Variants in USP15 observed in about 807,000 individuals in gnomAD.
USP15 encodes ubiquitin carboxyl-terminal hydrolase 15.
In USP15, 18 loss-of-function variants were observed where a neutral mutation model predicts 127.1. That is an observed-to-expected ratio of 0.14 (90% CI 0.10 to 0.21). The LOEUF (loss-of-function observed/expected upper bound fraction) is 0.21, where lower values mean the gene tolerates loss of function less well. USP15 is among the 10% of genes least tolerant of loss of function. USP15 has a pLI of 1.00. For synonymous variants in USP15, 364 were observed against 393.7 expected, an observed-to-expected ratio of 0.92 and a Z score of 0.89; for missense variants, 805 against 1,159.9, an observed-to-expected ratio of 0.69 and a Z score of 4.44.
Position 62,333,325 on chromosome 12 carries a change from G to A in USP15, c.683+7392G>A, listed in dbSNP as rs537104080. On this transcript the variant is annotated intron_variant, in intron 6 of 21. Coordinates refer to ENST00000280377, the MANE Select transcript of USP15 (RefSeq NM_001252078.2). Reference sequence around the variant, plus strand: ...CTCATTACCCAGGCTGGAATGCAGTGGAGCAGTCACAGCTCACTGTAGCCT... The same window carrying A: ...CTCATTACCCAGGCTGGAATGCAGTAGAGCAGTCACAGCTCACTGTAGCCT... Among the ~76,000 whole-genome samples the A allele has an allele frequency of 2.0e-5, 3 of 152,260 alleles. No homozygotes were observed. The East Asian group carries it at 5.8e-4, about 29-fold the overall frequency.
chr12:62,303,091 T>A, intron 3 of USP15, 171 bp downstream of exon 3: 1 of 638,022 alleles, frequency 1.6e-6, no homozygotes, highest in Middle Eastern at 4.7e-4. Flanking sequence ...AAGGTTTACT[T>A]ATGCTAGCCA....
At chr12:62,264,880 G>A (rs1478534204) in intron 1 of USP15, among the ~76,000 whole-genome samples, 1 of 152,068 alleles carries the variant, frequency 6.6e-6, no homozygotes, top group Non-Finnish European at 1.5e-5. Context: ...GGGTGTTTAC[G>A]ACCAGAGTAG....
intron 2 of USP15, among the ~76,000 whole-genome samples, chr12:62,297,246 T>C (rs2064157986): frequency 6.6e-6 from 1 of 151,804 alleles, no homozygotes; most frequent in Non-Finnish European, 1.5e-5. Context: ...AACCCTGTAA[T>C]ATTGGGAGAA....
At chr12:62,308,184 A>T (rs1255293154) in intron 3 of USP15, among the ~76,000 whole-genome samples, 1 of 152,106 alleles carries the variant, frequency 6.6e-6, no homozygotes, top group East Asian at 1.9e-4. Context: ...TATAGATGAC[A>T]AATTTCTGAA....
In USP15 at chr12:62,304,998, A is replaced by G. The variant is rs150602935; in HGVS notation, c.348+2078A>G. On this transcript the variant is annotated intron_variant, in intron 3 of 21. Coordinates refer to ENST00000280377, the MANE Select transcript of USP15 (RefSeq NM_001252078.2). ...AATTTGTAAACTAAATGATTTGTCA[A>G]TAGAAAATATAGAGTCTAAAGCTTA... The G allele has an allele frequency of 9.4e-3, 1,919 of 204,670 alleles. 14 individuals are homozygous for G. Among genetic ancestry groups the G allele is most frequent in the Non-Finnish European group, 0.013 (1,266 of 98,890 alleles). 12.7% of individuals were successfully genotyped at this position (204,670 alleles called of 1,614,324 possible).
chr12:62,278,082 A>T (rs2063542960), intron 1 of USP15, among the ~76,000 whole-genome samples: 1 of 152,104 alleles, frequency 6.6e-6, no homozygotes, highest in Admixed American at 6.5e-5. Context: ...TCTATTTCTA[A>T]ATTTTTTCTA....
chr12:62,289,387 G>T (rs941180692), intron 1 of USP15, among the ~76,000 whole-genome samples: 28 of 152,050 alleles, frequency 1.8e-4, no homozygotes, highest in African/African-American at 5.8e-4. Flanking sequence ...TCTAGTTTGT[G>T]CATGTAGTGA....
chr12:62,319,628 A>C (rs2064928113), intron 4 of USP15, among the ~76,000 whole-genome samples: 1 of 152,190 alleles, frequency 6.6e-6, no homozygotes, highest in African/African-American at 2.4e-5. Flanking sequence ...GCACATTTGC[A>C]CCTCAAGGCT....
At chr12:62,301,117 A>G (rs1011657925) in intron 2 of USP15, among the ~76,000 whole-genome samples, 2 of 152,170 alleles carry the variant, frequency 1.3e-5, no homozygotes, top group African/African-American at 4.8e-5. Flanking sequence ...AAGCACGTGC[A>G]AAAATGCTCA....
intron 7 of USP15, among the ~76,000 whole-genome samples, chr12:62,354,750 A>AT (rs1565881316): frequency 6.6e-6 from 1 of 151,932 alleles, no homozygotes; most frequent in African/African-American, 2.4e-5. Flanking sequence ...GCGTGGAATC[A>AT]TTTTTGCATT....
chr12:62,280,476 G>A (rs967902600), intron 1 of USP15, among the ~76,000 whole-genome samples: 1 of 152,164 alleles, frequency 6.6e-6, no homozygotes, highest in African/African-American at 2.4e-5. Flanking sequence ...GGCAGGTTCT[G>A]TGTCTGGTGA....
At chr12:62,268,911 C>A (rs2063269607) in intron 1 of USP15, among the ~76,000 whole-genome samples, 1 of 152,044 alleles carries the variant, frequency 6.6e-6, no homozygotes, top group Admixed American at 6.6e-5. Context: ...ATTTCTCTCC[C>A]AAACTCCTCT....
chr12:62,342,777 C>T (rs993912005), intron 6 of USP15, among the ~76,000 whole-genome samples: 8 of 152,168 alleles, frequency 5.3e-5, no homozygotes, highest in Non-Finnish European at 1.0e-4. Flanking sequence ...CTGGAAGCTT[C>T]GTCCCAGAGG....
intron 8 of USP15, among the ~76,000 whole-genome samples, chr12:62,373,363 T>C (rs1170056102): frequency 2.0e-5 from 3 of 152,016 alleles, no homozygotes; most frequent in South Asian, 4.1e-4. Context: ...GTATTTATAC[T>C]TCCTAGAACT....
chr12:62,296,498 A>G (rs2064132165), intron 2 of USP15, among the ~76,000 whole-genome samples: 1 of 152,214 alleles, frequency 6.6e-6, no homozygotes, highest in African/African-American at 2.4e-5. Flanking sequence ...GACTAATGGG[A>G]TGGGATAGTT....
intron 6 of USP15, among the ~76,000 whole-genome samples, chr12:62,337,541 G>C (rs1336319541): frequency 6.6e-6 from 1 of 152,018 alleles, no homozygotes; most frequent in African/African-American, 2.4e-5. Flanking sequence ...CTATGCATGT[G>C]CCGTGGTAGT....
At chr12:62,334,259 C>T (rs2065390482) in intron 6 of USP15, 1 of 152,036 alleles carries the variant, frequency 6.6e-6, no homozygotes, top group Non-Finnish European at 1.5e-5. Flanking sequence ...ATGTATGTTT[C>T]AAAATTTCTG....
intron 1 of USP15, among the ~76,000 whole-genome samples, chr12:62,290,456 A>G (rs1296788705): frequency 6.6e-6 from 1 of 152,064 alleles, no homozygotes; most frequent in Non-Finnish European, 1.5e-5. Flanking sequence ...TTCCGTTTGC[A>G]TGGAGTATCT....
chr12:62,336,386 A>G (rs900164050), intron 6 of USP15: 2 of 985,256 alleles, frequency 2.0e-6, no homozygotes, highest in Non-Finnish European at 2.4e-6. Flanking sequence ...TTCAAGTACC[A>G]TCCAAGAGCC....
Sources: gnomAD v4.1 joint callset for allele counts (sites outside exome capture counted in the v4.1 genomes callset) on GRCh38, gnomAD v4.1.1 for gene constraint, MANE v1.5 for transcripts, NCBI Gene and HGNC (gene_info 2026-07-23, HGNC 2026-07-21) for gene names.